The following ZNF804A variants were observed in gnomAD, a reference collection of about 807,000 sequenced individuals.
The protein encoded by ZNF804A is zinc finger protein 804A.
A neutral mutation model predicts 16.5 loss-of-function variants in ZNF804A; 2 were observed. The observed-to-expected ratio is 0.12, with a 90% CI of 0.05 to 0.38. The LOEUF (loss-of-function observed/expected upper bound fraction) is 0.38. Among genes scored for constraint, ZNF804A ranks in the 10% least tolerant of loss-of-function variants. ZNF804A has a pLI of 0.99. For synonymous variants in ZNF804A, 534 were observed against 489.6 expected, an observed-to-expected ratio of 1.09 and a Z score of -1.20; for missense variants, 1,473 against 1,390.7, an observed-to-expected ratio of 1.06 and a Z score of -0.94.
intron 1 of ZNF804A, among the ~76,000 whole-genome samples, chr2:184,747,512 A>G (rs935165011): frequency 6.6e-6 from 1 of 151,094 alleles, no homozygotes; most frequent in African/African-American, 2.4e-5. Context: ...TCACACCGTT[A>G]TGTATTTCAT....
At chr2:184,853,666 C>A (rs1346541567) in intron 1 of ZNF804A, among the ~76,000 whole-genome samples, 1 of 151,526 alleles carries the variant, frequency 6.6e-6, no homozygotes, top group Admixed American at 6.6e-5. Context: ...CGGTTTTTGA[C>A]CTTCTTTCTA....
chr2:184,778,763 T>C (rs1241563889), intron 1 of ZNF804A, among the ~76,000 whole-genome samples: 1 of 151,664 alleles, frequency 6.6e-6, no homozygotes, highest in African/African-American at 2.4e-5. Context: ...GGGACTGTCA[T>C]TGATGTTGGA....
intron 1 of ZNF804A, among the ~76,000 whole-genome samples, chr2:184,725,951 G>A (rs1222009049): frequency 6.6e-6 from 1 of 151,602 alleles, no homozygotes; most frequent in African/African-American, 2.4e-5. Flanking sequence ...TAAGGTGTTT[G>A]CATTCATTTA....
At chr2:184,904,612 C>T (rs1171344411) in intron 2 of ZNF804A, among the ~76,000 whole-genome samples, 2 of 151,994 alleles carry the variant, frequency 1.3e-5, no homozygotes, top group African/African-American at 2.4e-5. Context: ...TTCAAATCTT[C>T]TAATACTGTA....
chr2:184,763,169 A>G (rs548466412), intron 1 of ZNF804A, among the ~76,000 whole-genome samples: 5 of 152,148 alleles, frequency 3.3e-5, no homozygotes, highest in African/African-American at 1.2e-4. Flanking sequence ...CCCCAAAAAG[A>G]TATGTTGAAG....
chr2:184,933,400 A>G (rs772776780), intron 2 of ZNF804A, among the ~76,000 whole-genome samples: 1 of 152,200 alleles, frequency 6.6e-6, no homozygotes, highest in South Asian at 2.1e-4. Flanking sequence ...AAATTTCACT[A>G]TGATGTAATA....
intron 1 of ZNF804A, among the ~76,000 whole-genome samples, chr2:184,802,480 C>T (rs2105783258): frequency 1.3e-5 from 2 of 152,306 alleles, no homozygotes; most frequent in Middle Eastern, 3.4e-3. Flanking sequence ...GTTTCTCACT[C>T]ATGTTCTAAC....
In ZNF804A at chr2:184,866,410, A is replaced by T; in HGVS notation, c.153A>T (p.Glu51Asp). 1.2e-6 allele frequency: 2 copies of T among 1,613,300 alleles called. No homozygotes were observed. Among genetic ancestry groups the T allele is most frequent in the East Asian group, 4.5e-5 (2 of 44,698 alleles). ...EKENTIAKAL[E>D]DLKANFYCEL... is the part of the protein sequence containing the mutation. Reference sequence around the variant, plus strand: ...AAAATACCATAGCAAAAGCTCTGGAAGATCTGAAGGCAAATTTTTACTGTG... The same window carrying T: ...AAAATACCATAGCAAAAGCTCTGGATGATCTGAAGGCAAATTTTTACTGTG... The change falls in exon 2 of 4, where the codon GAA (glutamate) becomes GAT (aspartate). Residue 51 changes from glutamate (E) to aspartate (D), a missense_variant. Glu to Asp is a conservative substitution (Grantham distance 45). Coordinates refer to ENST00000302277, the MANE Select transcript of ZNF804A (RefSeq NM_194250.2).
chr2:184,614,064 ATGGTAC>A (rs1691282548), intron 1 of ZNF804A, among the ~76,000 whole-genome samples: 1 of 152,222 alleles, frequency 6.6e-6, no homozygotes, highest in South Asian at 2.1e-4. Context: ...CCAAAACAGC[ATGGTAC>A]TGGTACCAAA....
intron 1 of ZNF804A, among the ~76,000 whole-genome samples, chr2:184,787,112 T>G (rs1574212225): frequency 6.6e-6 from 1 of 151,936 alleles, no homozygotes; most frequent in African/African-American, 2.4e-5. Flanking sequence ...TCACCTCTCT[T>G]ACTGTATTCT....
chr2:184,753,476 TA>T (rs1423520553), intron 1 of ZNF804A, among the ~76,000 whole-genome samples: 1 of 151,620 alleles, frequency 6.6e-6, no homozygotes, highest in Non-Finnish European at 1.5e-5. Context: ...GATCAATGTT[TA>T]AAAAAATGGG....
intron 1 of ZNF804A, among the ~76,000 whole-genome samples, chr2:184,765,171 A>C (rs1332784720): frequency 6.6e-6 from 1 of 152,162 alleles, no homozygotes; most frequent in Admixed American, 6.5e-5. Flanking sequence ...TGTTTTGTAG[A>C]GAGCCATGTA....
At chr2:184,911,322 T>A (rs1685354094) in intron 2 of ZNF804A, among the ~76,000 whole-genome samples, 1 of 151,892 alleles carries the variant, frequency 6.6e-6, no homozygotes, top group South Asian at 2.1e-4. Context: ...CGGTTCCATT[T>A]GTCTATGTGT....
chr2:184,702,927 G>A (rs999740190), intron 1 of ZNF804A, among the ~76,000 whole-genome samples: 2 of 152,066 alleles, frequency 1.3e-5, no homozygotes, highest in Non-Finnish European at 2.9e-5. Context: ...AATTTTATAA[G>A]CATATTTATA....
At chr2:184,822,427 C>T (rs1695099345) in intron 1 of ZNF804A, among the ~76,000 whole-genome samples, 1 of 151,952 alleles carries the variant, frequency 6.6e-6, no homozygotes, top group Non-Finnish European at 1.5e-5. Flanking sequence ...GGAAGAATAG[C>T]TAATGGATGC....
chr2:184,813,547 C>G (rs916380467), intron 1 of ZNF804A, among the ~76,000 whole-genome samples: 3 of 151,984 alleles, frequency 2.0e-5, no homozygotes, highest in Non-Finnish European at 2.9e-5. Context: ...TTTTGAGTAA[C>G]AGTATCAGGG....
At chr2:184,775,409 T>C (rs1051593237) in intron 1 of ZNF804A, among the ~76,000 whole-genome samples, 1 of 151,768 alleles carries the variant, frequency 6.6e-6, no homozygotes. Flanking sequence ...AAGGAAAGTT[T>C]TAACTTAAAG....
chr2:184,648,676 T>C (rs908276458), intron 1 of ZNF804A, among the ~76,000 whole-genome samples: 16 of 152,032 alleles, frequency 1.1e-4, no homozygotes, highest in African/African-American at 3.4e-4. Flanking sequence ...AAATAACAAT[T>C]GTCAAAAAAG....
intron 1 of ZNF804A, among the ~76,000 whole-genome samples, chr2:184,614,148 G>A (rs1329381715): frequency 6.6e-6 from 1 of 152,114 alleles, no homozygotes; most frequent in Non-Finnish European, 1.5e-5. Flanking sequence ...ACAACCATCT[G>A]ATCTTTGACA....
Sources: gnomAD v4.1 joint callset for allele counts (sites outside exome capture counted in the v4.1 genomes callset) on GRCh38, gnomAD v4.1.1 for gene constraint, MANE v1.5 for transcripts, NCBI Gene and HGNC (gene_info 2026-07-23, HGNC 2026-07-21) for gene names.